Variants in UVRAG observed in about 807,000 individuals in gnomAD.
The protein encoded by UVRAG is UV radiation resistance associated, also known as UV radiation resistance-associated gene protein.
In UVRAG, 19 loss-of-function variants were observed where a neutral mutation model predicts 78.0. The observed-to-expected ratio is 0.24, with a 90% CI of 0.17 to 0.36. The LOEUF (loss-of-function observed/expected upper bound fraction) is 0.36, where lower values mean the gene tolerates loss of function less well. UVRAG is among the 10% of genes least tolerant of loss of function. The pLI is 1.00. For synonymous variants in UVRAG, 323 were observed against 324.6 expected, an observed-to-expected ratio of 1.00 and a Z score of 0.05; for missense variants, 740 against 853.8, an observed-to-expected ratio of 0.87 and a Z score of 1.66.
At chr11:75,894,927 TAAA>T (rs1395545953) in intron 5 of UVRAG, among the ~76,000 whole-genome samples, 1 of 151,196 alleles carries the variant, frequency 6.6e-6, no homozygotes, top group Non-Finnish European at 1.5e-5. Context: ...AAACAAAAGA[TAAA>T]AAGAAACATG....
intron 3 of UVRAG, among the ~76,000 whole-genome samples, chr11:75,877,306 G>A (rs1263033096): frequency 1.3e-5 from 2 of 152,056 alleles, no homozygotes; most frequent in Non-Finnish European, 2.9e-5. Flanking sequence ...ACCTTTCCCC[G>A]CTTTCTATTC....
chr11:76,082,315 C>T (rs1162756500), intron 13 of UVRAG, among the ~76,000 whole-genome samples: 1 of 151,372 alleles, frequency 6.6e-6, no homozygotes, highest in Non-Finnish European at 1.5e-5. Context: ...CCGAGGCGGG[C>T]AGATCACGAG....
intron 2 of UVRAG, among the ~76,000 whole-genome samples, chr11:75,859,562 C>G (rs1946373311): frequency 6.6e-6 from 1 of 151,844 alleles, no homozygotes; most frequent in African/African-American, 2.4e-5. Context: ...TTTATTTCAG[C>G]CTCGTAACAA....
At chr11:76,060,271 G>C (rs1340683781) in intron 12 of UVRAG, among the ~76,000 whole-genome samples, 1 of 151,876 alleles carries the variant, frequency 6.6e-6, no homozygotes, top group Non-Finnish European at 1.5e-5. Flanking sequence ...TTCTTTTTTT[G>C]GTACTTTACT....
intron 1 of UVRAG, among the ~76,000 whole-genome samples, chr11:75,850,501 A>G (rs1946132700): frequency 6.6e-6 from 1 of 152,192 alleles, no homozygotes; most frequent in Non-Finnish European, 1.5e-5. Context: ...GATGGTATAT[A>G]GAGAAGTTAG....
At chr11:75,903,185 T>G (rs1008692097) in intron 5 of UVRAG, among the ~76,000 whole-genome samples, 5 of 152,168 alleles carry the variant, frequency 3.3e-5, no homozygotes, top group African/African-American at 1.2e-4. Context: ...GTCTAATATG[T>G]ATGGATTTTT....
intron 6 of UVRAG, among the ~76,000 whole-genome samples, chr11:75,955,516 C>T (rs1160512128): frequency 6.6e-6 from 1 of 152,092 alleles, no homozygotes; most frequent in Non-Finnish European, 1.5e-5. Context: ...TGATGACCAC[C>T]TTTTAAAAAC....
chr11:75,928,135 G>C (rs1289228771), intron 6 of UVRAG, among the ~76,000 whole-genome samples: 2 of 152,120 alleles, frequency 1.3e-5, no homozygotes, highest in African/African-American at 2.4e-5. Context: ...TTGGTGTGGA[G>C]AATAGACTGG....
chr11:75,888,599 G>T (rs764718669), intron 4 of UVRAG, among the ~76,000 whole-genome samples: 5 of 152,158 alleles, frequency 3.3e-5, no homozygotes, highest in Non-Finnish European at 7.4e-5. Flanking sequence ...TGTGAGTGAT[G>T]GTGCCTGTGA....
chr11:75,982,577 C>T (rs994338698), intron 7 of UVRAG, among the ~76,000 whole-genome samples: 1 of 152,114 alleles, frequency 6.6e-6, no homozygotes, highest in Non-Finnish European at 1.5e-5. Flanking sequence ...TCAGTAGTTA[C>T]CACATGGGAC....
chr11:75,974,604 G>A (rs1245276738), intron 7 of UVRAG, among the ~76,000 whole-genome samples: 12 of 151,168 alleles, frequency 7.9e-5, no homozygotes, highest in South Asian at 4.2e-4. Context: ...CTGACCTCAC[G>A]ATCCACCCGC....
chr11:75,842,549 CT>C (rs1329413213), intron 1 of UVRAG, among the ~76,000 whole-genome samples: 1 of 150,680 alleles, frequency 6.6e-6, no homozygotes, highest in Non-Finnish European at 1.5e-5. Context: ...TCAAACGATT[CT>C]CCTGCCTCAG....
At position 75,819,206 on chromosome 11, in the gene UVRAG, G is replaced by A. The variant is rs569628827; in HGVS notation, c.117+3682G>A. Among the ~76,000 whole-genome samples, 29 of 152,282 alleles carry A rather than the reference G, an allele frequency of 1.9e-4. No homozygotes were observed. In the South Asian group the frequency reaches 6.0e-3, roughly 32 times the overall value. On this transcript the variant is annotated intron_variant, in intron 1 of 14. Coordinates refer to ENST00000356136, the MANE Select transcript of UVRAG (RefSeq NM_003369.4). ...AACACCTGAACTTTTCCATGTATGAGTACTAACTATAGTCCATATCAGCCC... is the reference window on the plus strand; with the variant it reads ...AACACCTGAACTTTTCCATGTATGAATACTAACTATAGTCCATATCAGCCC...
At chr11:75,884,687 G>A (rs1590974074) in intron 4 of UVRAG, among the ~76,000 whole-genome samples, 1 of 152,060 alleles carries the variant, frequency 6.6e-6, no homozygotes, top group Non-Finnish European at 1.5e-5. Context: ...GAATTACCTT[G>A]TCATCTTTGT....
At chr11:76,081,417 G>A (rs1480502667) in intron 13 of UVRAG, among the ~76,000 whole-genome samples, 1 of 151,982 alleles carries the variant, frequency 6.6e-6, no homozygotes, top group African/African-American at 2.4e-5. Context: ...TGTTGGCCAG[G>A]CTGGTTCTGA....
chr11:76,120,713 G>A (rs535251455), intron 14 of UVRAG, among the ~76,000 whole-genome samples: 2 of 152,190 alleles, frequency 1.3e-5, no homozygotes, highest in Non-Finnish European at 1.5e-5. Context: ...ACTGCAAAAT[G>A]AATGCTACAT....
chr11:75,869,534 A>G (rs989100317), intron 3 of UVRAG, among the ~76,000 whole-genome samples: 1 of 152,188 alleles, frequency 6.6e-6, no homozygotes, highest in African/African-American at 2.4e-5. Context: ...AGGTTTTCCA[A>G]CTTCTGTCTG....
rs571717035 is a variant in UVRAG, at chr11:75,955,410, T to G, written c.594-6034T>G. On this transcript the variant is annotated intron_variant, in intron 6 of 14. Transcript: ENST00000356136. ...AATATATCATGAATATTTTCAGGGT[T>G]TAGGGTAATAATAATAATGTTGGCA... Among the ~76,000 whole-genome samples the G allele has an allele frequency of 2.6e-5, 4 of 152,230 alleles. No individual in the cohort carries two copies. The East Asian group carries it at 7.7e-4, about 29-fold the overall frequency.
At chr11:75,920,008 G>GGTTT (rs1947940775) in intron 6 of UVRAG, among the ~76,000 whole-genome samples, 5 of 55,464 alleles carry the variant, frequency 9.0e-5, no homozygotes, top group Admixed American at 7.2e-4. Context: ...AATAATTTTG[G>GGTTT]TTTTTTTTTT....
Sources: allele counts gnomAD v4.1 joint callset (sites outside exome capture counted in the v4.1 genomes callset), GRCh38; gene constraint gnomAD v4.1.1; transcripts MANE v1.5; gene names NCBI Gene and HGNC (gene_info 2026-07-23, HGNC 2026-07-21).